MAF: variants seen among roughly 807,000 people sequenced by gnomAD.
The protein encoded by MAF is transcription factor Maf.
In MAF, 10 loss-of-function variants were observed where a neutral mutation model predicts 22.0. The ratio of observed to expected loss-of-function variants is 0.45; its 90% CI spans 0.28 to 0.77. MAF has a LOEUF of 0.77. Ranked by LOEUF, MAF falls within the 30% of genes least tolerant of loss-of-function variation. The pLI is 0.12. For synonymous variants in MAF, 337 were observed against 255.8 expected, an observed-to-expected ratio of 1.32 and a Z score of -3.03; for missense variants, 544 against 548.4, an observed-to-expected ratio of 0.99 and a Z score of 0.08.
the MAF span, among the ~76,000 whole-genome samples, chr16:79,394,706 C>A: frequency 1.3e-5 from 2 of 152,132 alleles, no homozygotes; most frequent in East Asian, 1.9e-4. Context: ...CGCTGGGGCA[C>A]CTTTAAAACA....
the MAF span, among the ~76,000 whole-genome samples, chr16:79,245,390 T>G: frequency 2.0e-5 from 3 of 151,862 alleles, no homozygotes; most frequent in African/African-American, 7.3e-5. Context: ...CATCAAAAAG[T>G]GGGCAAAGGA....
At chr16:79,289,867 T>TTTTTTTTTTTTTC in the MAF span, among the ~76,000 whole-genome samples, 14,055 of 118,146 alleles carry the variant, frequency 0.12, 2,011 homozygotes, top group African/African-American at 0.15. Context: ...TTTTTTTTTT[T>TTTTTTTTTTTTTC]TGTGAGACGG....
rs1258827600 is a variant in MAF at position 79,599,452 on chromosome 16, C to T, written c.451G>A (p.Gly151Ser). 7.6e-7 allele frequency: 1 copy of T among 1,307,942 alleles called. No individual in the cohort carries two copies. The allele number at this position is 1,307,942 out of a possible 1,614,324, so 81.0% of individuals were successfully genotyped here. A position where few individuals can be genotyped will look rare whatever the true frequency, so the allele number is the denominator to read the frequency against. Residue 151 changes from glycine (G) to serine (S), a missense_variant, in exon 1 of 2, where the codon GGC (glycine) becomes AGC (serine). By Grantham distance (56) the Gly-to-Ser change is moderately conservative. Around this residue, in one of 5 missense-constraint regions of MAF, gnomAD observed 342 missense variants for 315.5 expected, o/e 1.08. Coordinates refer to ENST00000326043, the MANE Select transcript of MAF (RefSeq NM_005360.5). ...AAGAGAGASL[G>S]GSGEEMGPAA... ...GGGCCCATCTCCTCGCCGCTGCCGCCCAAGGAGGCGCCGGCACCGGCCCCG... is the reference window on the plus strand; with the variant it reads ...GGGCCCATCTCCTCGCCGCTGCCGCTCAAGGAGGCGCCGGCACCGGCCCCG...
the MAF span, among the ~76,000 whole-genome samples, chr16:79,221,287 G>A: frequency 6.6e-6 from 1 of 152,146 alleles, no homozygotes; most frequent in Non-Finnish European, 1.5e-5. Flanking sequence ...ATTATTGGCT[G>A]CCTTCAAACC....
chr16:79,370,759 G>T, the MAF span, among the ~76,000 whole-genome samples: 4 of 152,132 alleles, frequency 2.6e-5, no homozygotes, highest in Admixed American at 2.6e-4. Flanking sequence ...TCATTCTCTT[G>T]CCTACATAAC....
At chr16:79,502,732 T>C in the MAF span, among the ~76,000 whole-genome samples, 42,521 of 106,810 alleles carry the variant, frequency 0.4, 10,293 homozygotes, top group East Asian at 0.67. Flanking sequence ...TATATATATA[T>C]ATATATATAT....
the MAF span, among the ~76,000 whole-genome samples, chr16:79,357,610 TCAGTCTCTGTCTTTGAA>T: frequency 6.6e-6 from 1 of 152,160 alleles, no homozygotes; most frequent in Admixed American, 6.5e-5. Flanking sequence ...CTAATTACTG[TCAGTCTCTGTCTTTGAA>T]CATCATGTGG....
the MAF span, among the ~76,000 whole-genome samples, chr16:79,447,047 T>C: frequency 6.7e-6 from 1 of 149,442 alleles, no homozygotes; most frequent in South Asian, 2.2e-4. Context: ...CAAAATGATG[T>C]ATGCAGTGTT....
chr16:79,239,238 T>C, the MAF span, among the ~76,000 whole-genome samples: 1 of 152,086 alleles, frequency 6.6e-6, no homozygotes, highest in Non-Finnish European at 1.5e-5. Flanking sequence ...TTTGCATGGG[T>C]GCCCTAGGCT....
chr16:79,247,146 C>G, the MAF span, among the ~76,000 whole-genome samples: 11 of 152,162 alleles, frequency 7.2e-5, no homozygotes, highest in Non-Finnish European at 1.5e-4. Context: ...TTCAAGCAAG[C>G]TGCGAATGAA....
chr16:79,313,109 G>A, the MAF span, among the ~76,000 whole-genome samples: 1 of 152,128 alleles, frequency 6.6e-6, no homozygotes. Flanking sequence ...AAAGGGGAAT[G>A]TTAATACCCA....
the MAF span, among the ~76,000 whole-genome samples, chr16:79,490,751 T>C: frequency 1.1e-4 from 16 of 152,176 alleles, no homozygotes; most frequent in Non-Finnish European, 2.1e-4. Flanking sequence ...AGATAAATAT[T>C]TGTTTTGTAC....
the MAF span, among the ~76,000 whole-genome samples, chr16:79,327,229 C>T: frequency 1.3e-5 from 2 of 152,282 alleles, no homozygotes; most frequent in African/African-American, 4.8e-5. Flanking sequence ...GAGACCAGTT[C>T]GGTAGTGCCT....
At chr16:79,552,596 C>G in the MAF span, among the ~76,000 whole-genome samples, 10 of 152,192 alleles carry the variant, frequency 6.6e-5, no homozygotes, top group African/African-American at 2.4e-4. Flanking sequence ...TTTTGTAACA[C>G]TTTTCTCAAT....
chr16:79,496,332 G>A, the MAF span, among the ~76,000 whole-genome samples: 1 of 152,178 alleles, frequency 6.6e-6, no homozygotes, highest in Non-Finnish European at 1.5e-5. Flanking sequence ...ACAAATAAAA[G>A]ACTCAAAAAG....
chr16:79,535,349 G>C, the MAF span, among the ~76,000 whole-genome samples: 1 of 151,286 alleles, frequency 6.6e-6, no homozygotes, highest in Non-Finnish European at 1.5e-5. Context: ...AGAGACCTTA[G>C]GCAATCATGT....
the MAF span, among the ~76,000 whole-genome samples, chr16:79,230,757 T>C: frequency 2.6e-5 from 4 of 152,096 alleles, no homozygotes; most frequent in African/African-American, 4.8e-5. Flanking sequence ...CATTCTAAGA[T>C]TATATTCCAA....
the MAF span, among the ~76,000 whole-genome samples, chr16:79,359,268 A>G: frequency 4.6e-5 from 7 of 152,188 alleles, no homozygotes; most frequent in African/African-American, 7.2e-5. Context: ...CAAAGGGCAC[A>G]TCTTTGCACG....
chr16:79,490,415 G>A, the MAF span, among the ~76,000 whole-genome samples: 114 of 152,224 alleles, frequency 7.5e-4, no homozygotes, highest in Non-Finnish European at 1.2e-3. Flanking sequence ...GCTGTAGAGG[G>A]GATTCCTCTG....
Sources: gnomAD v4.1 joint callset for allele counts (sites outside exome capture counted in the v4.1 genomes callset) on GRCh38, gnomAD v4.1.1 for gene constraint, gnomAD v4.1.1 regional missense constraint, MANE v1.5 for transcripts, NCBI Gene and HGNC (gene_info 2026-07-23, HGNC 2026-07-21) for gene names.